TOM1L2: variants seen among roughly 807,000 people sequenced by gnomAD.
The protein encoded by TOM1L2 is TOM1-like protein 2.
In TOM1L2, 31 loss-of-function variants were observed where a neutral mutation model predicts 67.9. The ratio of observed to expected loss-of-function variants is 0.46; its 90% confidence interval spans 0.34 to 0.62. The LOEUF is 0.62. Among genes scored for constraint, TOM1L2 ranks in the 20% least tolerant of loss-of-function variants. The pLI, the probability that TOM1L2 is intolerant of heterozygous loss-of-function variation, is 0.01. For missense variants in TOM1L2, 606 were observed against 663.5 expected, an observed-to-expected ratio of 0.91 and a Z score of 0.95; for synonymous variants, 256 against 254.0, an observed-to-expected ratio of 1.01 and a Z score of -0.07.
intron 12 of TOM1L2, 78 bp downstream of exon 12, chr17:17,861,398 T>A: frequency 1.4e-6 from 2 of 1,422,086 alleles, no homozygotes; most frequent in South Asian, 2.3e-5. Context: ...TTCTGCTGAA[T>A]TACCCAGCCA....
intron 8 of TOM1L2, among the ~76,000 whole-genome samples, chr17:17,868,337 T>A (rs1431750576): frequency 6.6e-6 from 1 of 152,210 alleles, no homozygotes; most frequent in Non-Finnish European, 1.5e-5. Flanking sequence ...CCCAAGGCTG[T>A]GACAGCCATA....
chr17:17,859,707 CCT>C (rs2036448826), intron 12 of TOM1L2: 2 of 152,146 alleles, frequency 1.3e-5, no homozygotes, highest in Admixed American at 1.3e-4. Context: ...ATAGTGAAAC[CCT>C]GTCTCTAGTA....
Position 17,861,565 on chromosome 17 carries a change from A to C in TOM1L2, c.1203-14T>G. On this transcript the variant is annotated splice_polypyrimidine_tract_variant and intron_variant, in intron 11 of 14. Transcript: ENST00000379504. ...TCATAGGTTACCCTGGAGATGAAGA[A>C]GCAGCACAAGCAGAGTTCATTTTCC... 6.2e-7 allele frequency: 1 copy of C among 1,613,384 alleles called. No homozygotes were observed. The highest frequency in any genetic ancestry group is 1.3e-5 in the African/African-American group (1 of 75,036).
chr17:17,913,122 G>A (rs937065744), intron 1 of TOM1L2, among the ~76,000 whole-genome samples: 20 of 151,652 alleles, frequency 1.3e-4, no homozygotes, highest in Non-Finnish European at 1.0e-4. Flanking sequence ...GTTGCAGTGA[G>A]CCGAGATGGC....
chr17:17,972,170 A>G (rs2042132793), intron 1 of TOM1L2, 92 bp downstream of exon 1: 2 of 1,476,560 alleles, frequency 1.4e-6, no homozygotes, highest in Admixed American at 4.0e-5. Flanking sequence ...CCGCTCGTGA[A>G]GTGGCACCGG....
intron 7 of TOM1L2, among the ~76,000 whole-genome samples, chr17:17,874,258 CTTAT>C (rs879740241): frequency 5.3e-5 from 8 of 150,484 alleles, no homozygotes; most frequent in Admixed American, 3.3e-4. Context: ...CCAGCCATTA[CTTAT>C]TTATTTATTT....
At chr17:17,954,786 G>A (rs1407462698) in intron 1 of TOM1L2, among the ~76,000 whole-genome samples, 1 of 152,184 alleles carries the variant, frequency 6.6e-6, no homozygotes, top group Non-Finnish European at 1.5e-5. Context: ...GTCCAGGCAT[G>A]ACCAAGGGCT....
intron 4 of TOM1L2, among the ~76,000 whole-genome samples, chr17:17,886,004 C>G (rs1215032611): frequency 6.6e-6 from 1 of 151,820 alleles, no homozygotes; most frequent in Non-Finnish European, 1.5e-5. Flanking sequence ...CAAAGGCCTT[C>G]CCAGAAATGG....
At chr17:17,917,557 C>A (rs921555537) in intron 1 of TOM1L2, among the ~76,000 whole-genome samples, 15 of 141,582 alleles carry the variant, frequency 1.1e-4, no homozygotes, top group African/African-American at 4.0e-4. Context: ...TCTTAGCCTT[C>A]CAAGTAGCTG....
intron 1 of TOM1L2, among the ~76,000 whole-genome samples, chr17:17,953,589 G>A (rs377359555): frequency 6.6e-6 from 1 of 152,332 alleles, no homozygotes; most frequent in East Asian, 1.9e-4. Context: ...AACCCAGGAG[G>A]AAACCTGTGC....
intron 12 of TOM1L2, 147 bp from the exon 13 acceptor site, chr17:17,851,099 CAG>C (rs1477878907): frequency 2.5e-6 from 2 of 807,550 alleles, no homozygotes; most frequent in Non-Finnish European, 4.1e-6. Context: ...GCACAGCACA[CAG>C]GGGCAACACA....
At chr17:17,896,287 C>T (rs935258493) in intron 3 of TOM1L2, among the ~76,000 whole-genome samples, 3 of 151,954 alleles carry the variant, frequency 2.0e-5, no homozygotes, top group African/African-American at 7.3e-5. Context: ...AAGAAGTATG[C>T]TTTATTTTGT....
intron 1 of TOM1L2, among the ~76,000 whole-genome samples, chr17:17,926,647 G>A (rs1357567762): frequency 2.0e-5 from 3 of 151,754 alleles, no homozygotes; most frequent in Non-Finnish European, 2.9e-5. Flanking sequence ...CGGATTGCTT[G>A]AGCTCAGGAG....
chr17:17,901,736 G>A (rs2038866775), intron 2 of TOM1L2, among the ~76,000 whole-genome samples: 1 of 152,230 alleles, frequency 6.6e-6, no homozygotes, highest in Non-Finnish European at 1.5e-5. Flanking sequence ...AAGATTCTAT[G>A]AGCTGAGGAG....
At chr17:17,875,502 C>G (rs533724753) in intron 7 of TOM1L2, among the ~76,000 whole-genome samples, 2 of 152,294 alleles carry the variant, frequency 1.3e-5, no homozygotes, top group South Asian at 4.1e-4. Flanking sequence ...TTGCTCAGGT[C>G]ACCCTTTCCA....
rs529998722 is a variant in TOM1L2 at position 17,914,670 on chromosome 17, G to A, written c.53-7139C>T. 5.3e-5 allele frequency among the ~76,000 whole-genome samples: 8 copies of A among 152,284 alleles called. No homozygotes were observed. The South Asian group carries it at 1.7e-3, about 32-fold the overall frequency. ...CCATCTGAGGACTGACTTTGGTTAA[G>A]ATTGCTCCAAATCTCAAGAGCCTCC... On this transcript the variant is annotated intron_variant, in intron 1 of 14. Coordinates refer to ENST00000379504, the MANE Select transcript of TOM1L2 (RefSeq NM_001082968.2).
At chr17:17,892,248 C>A (rs1312568020) in intron 4 of TOM1L2, among the ~76,000 whole-genome samples, 2 of 152,170 alleles carry the variant, frequency 1.3e-5, no homozygotes, top group African/African-American at 4.8e-5. Context: ...CAGCTGCACA[C>A]CTGACCCATC....
In TOM1L2 at chr17:17,929,297, T is replaced by G. The variant is rs62072024; in HGVS notation, c.53-21766A>C. Reference sequence around the variant, plus strand: ...TCCATCTCTTCTGCTTAGAGCTGCTTTGAGCAGCAGGCTTTGGGTGGGTGA... The same window carrying G: ...TCCATCTCTTCTGCTTAGAGCTGCTGTGAGCAGCAGGCTTTGGGTGGGTGA... On this transcript the variant is annotated intron_variant, in intron 1 of 14. Transcript: ENST00000379504. 5.8e-3 allele frequency among the ~76,000 whole-genome samples: 885 copies of G among 152,270 alleles called. 9 individuals carry two copies. The highest frequency in any genetic ancestry group is 9.2e-3 in the Non-Finnish European group (624 of 68,010).
chr17:17,926,730 C>T (rs758919288), intron 1 of TOM1L2, among the ~76,000 whole-genome samples: 6 of 151,928 alleles, frequency 3.9e-5, no homozygotes, highest in Non-Finnish European at 8.8e-5. Context: ...TGGTAGCACA[C>T]GCCTGTAATC....
Sources: gnomAD v4.1 joint callset for allele counts (sites outside exome capture counted in the v4.1 genomes callset) on GRCh38, gnomAD v4.1.1 for gene constraint, MANE v1.5 for transcripts, NCBI Gene and HGNC (gene_info 2026-07-23, HGNC 2026-07-21) for gene names.